Variants in COL1A1 observed in about 807,000 individuals in gnomAD.
The protein encoded by COL1A1 is collagen alpha-1(I) chain.
COL1A1 carries 21 observed loss-of-function variants against 195.7 expected under a neutral mutation model. The ratio of observed to expected loss-of-function variants is 0.11; its 90% CI spans 0.08 to 0.15. The LOEUF is 0.15. Among genes scored for constraint, COL1A1 ranks in the 10% least tolerant of loss-of-function variants. The pLI, the probability that COL1A1 is intolerant of heterozygous loss-of-function variation, is 1.00. For missense variants in COL1A1, 1,365 were observed against 2,051.0 expected, an observed-to-expected ratio of 0.67 and a Z score of 6.46; for synonymous variants, 749 against 747.3, an observed-to-expected ratio of 1.00 and a Z score of -0.04.
At chr17:50,187,574 G>T in intron 45 of COL1A1, 37 bp from the exon 46 acceptor site, 2 of 1,610,682 alleles carry the variant, frequency 1.2e-6, no homozygotes, top group South Asian at 2.2e-5. Flanking sequence ...CAGGCCCAGT[G>T]AGCGTCAAAT....
At position 50,194,035 on chromosome 17, in the gene COL1A1, C is replaced by T. The variant is rs558173513; in HGVS notation, c.1675G>A (p.Ala559Thr). The change falls in exon 25 of 51, where the codon GCC (alanine) becomes ACC (threonine). Residue 559 changes from alanine (A) to threonine (T), a missense_variant. This residue lies in a region of COL1A1 where 671 missense variants were observed against 1,099.9 expected (regional missense o/e 0.61). Transcript: ENST00000225964. This position sits in a 1 kb window ranked among gnomAD's most constrained non-coding sequence, Gnocchi z 6.8. ...PDGKTGPPGPAGQDGRPGPPG... is the reference protein window; with the variant it reads ...PDGKTGPPGPTGQDGRPGPPG... ...GGTCCGGGGCGACCATCTTGACCGG[C>T]GGGACCCTAAGGATGGGAGGCACGA... The T allele has an allele frequency of 4.2e-5, 68 of 1,613,478 alleles. 1 individual carries two copies. The highest frequency in any genetic ancestry group is 3.7e-4 in the South Asian group (34 of 91,010).
Position 50,185,460 on chromosome 17 carries a change from A to G in COL1A1, c.*42T>C, listed in dbSNP as rs1598283409. 4 of 1,611,070 alleles carry G rather than the reference A, an allele frequency of 2.5e-6. No homozygotes were observed. The highest frequency in any genetic ancestry group is 3.4e-6 in the Non-Finnish European group (4 of 1,178,720). ...TTGTCTGTTTCCGGGTTGGGGGGAA[A>G]GTTGGTTGGGTGGGAGGGAGCCAGG... On this transcript the variant is annotated 3_prime_UTR_variant, in exon 51 of 51. Coordinates refer to ENST00000225964, the MANE Select transcript of COL1A1 (RefSeq NM_000088.4).
intron 1 of COL1A1, 156 bp from the exon 2 acceptor site, chr17:50,200,103 A>T: frequency 1.2e-6 from 1 of 819,388 alleles, no homozygotes; most frequent in South Asian, 1.5e-5. Context: ...CCTGCTCCTC[A>T]TCAGCGCGGG....
Position 50,186,102 on chromosome 17 carries a change from C to G in COL1A1, c.4006-82G>C. On this transcript the variant is annotated intron_variant, in intron 49 of 50. Coordinates refer to ENST00000225964, the MANE Select transcript of COL1A1 (RefSeq NM_000088.4). The surrounding 1 kb of genome is among the most constrained non-coding windows in gnomAD (Gnocchi z 5.3). ...GCCTGGCCTCCCTGTCCAGGGTCCTCAGAGAGCTGCCCAATGCACCGTTAT... is the reference window on the plus strand; with the variant it reads ...GCCTGGCCTCCCTGTCCAGGGTCCTGAGAGAGCTGCCCAATGCACCGTTAT... 1 of 1,589,058 alleles carries G rather than the reference C, an allele frequency of 6.3e-7. No individual in the cohort carries two copies. Among genetic ancestry groups the G allele is most frequent in the Non-Finnish European group, 8.5e-7 (1 of 1,172,476 alleles).
intron 1 of COL1A1, among the ~76,000 whole-genome samples, chr17:50,200,503 C>T (rs940941715): frequency 1.2e-4 from 18 of 152,196 alleles, no homozygotes; most frequent in Admixed American, 1.1e-3. Context: ...GACACCCTAA[C>T]CTCCAGCACC....
rs151171179 is a variant in COL1A1 at position 50,201,437 on chromosome 17, C to T, written c.77G>A (p.Gly26Asp). ...TALLTHGQEEGQVEGQDEDIP... is the reference protein window; with the variant it reads ...TALLTHGQEEDQVEGQDEDIP... ...GTCTTCGTCTTGGCCCTCGACTTGG[C>T]CTTCCTCTTGGCCGTGCGTCAGGAG... is the stretch of plus-strand genomic sequence containing the variant. The change falls in exon 1 of 51, where the codon GGC becomes GAC. Residue 26 changes from glycine to aspartate, a missense_variant. Coordinates refer to ENST00000225964, the MANE Select transcript of COL1A1 (RefSeq NM_000088.4). 279 of 1,613,664 alleles carry T rather than the reference C, an allele frequency of 1.7e-4. No individual in the cohort carries two copies. In the Middle Eastern group the frequency reaches 3.4e-3, roughly 19 times the overall value.
At chr17:50,193,772 T>C (rs1168902132) in intron 25 of COL1A1, 171 bp downstream of exon 25, 3 of 696,064 alleles carry the variant, frequency 4.3e-6, no homozygotes, top group African/African-American at 1.8e-5. Context: ...TGAGCCACCG[T>C]GCCCCGCCGA....
intron 26 of COL1A1, 62 bp from the exon 27 acceptor site, chr17:50,192,912 G>A (rs1907222980): frequency 6.2e-7 from 1 of 1,612,638 alleles, no homozygotes; most frequent in African/African-American, 1.3e-5. Flanking sequence ...GAGGACCGTG[G>A]CCTCTAGCAC....
chr17:50,200,033 TG>T (rs1169005519), intron 1 of COL1A1, 86 bp from the exon 2 acceptor site: 1 of 1,414,304 alleles, frequency 7.1e-7, no homozygotes, highest in Non-Finnish European at 1.0e-6. Flanking sequence ...GAGGCACACT[TG>T]GATTTTTCAC....
At chr17:50,200,337 CAGG>C (rs1490002307) in intron 1 of COL1A1, 1 of 357,316 alleles carries the variant, frequency 2.8e-6, no homozygotes, top group South Asian at 2.3e-5. Context: ...GTGGTAGAGA[CAGG>C]AGGAGGGCGA....
chr17:50,197,046 G>A lies in COL1A1; in HGVS notation c.768C>T (p.Pro256=), dbSNP rs199891984. The change falls in exon 11 of 51, where the codon CCC becomes CCT. Residue 256 remains proline (P), a synonymous_variant. Transcript: ENST00000225964. The part of the protein sequence containing the change: ...PPGPQGARGL[P]GTAGLPGMKG... ...TCATTCCAGGGAGGCCAGCTGTTCC[G>A]GGCAATCCTCGAGCACCCTGGAGAG... 3.7e-5 allele frequency: 60 copies of A among 1,614,068 alleles called. No homozygotes were observed. Among genetic ancestry groups the A allele is most frequent in the Middle Eastern group, 1.6e-4 (1 of 6,062 alleles).
Position 50,185,416 on chromosome 17 carries a change from G to A in COL1A1, c.*86C>T, listed in dbSNP as rs920080624. The A allele has an allele frequency of 2.6e-6, 4 of 1,527,446 alleles. No homozygotes were observed. The East Asian group carries it at 9.0e-5, about 34-fold the overall frequency. The allele number at this position is 1,527,446 out of a possible 1,614,324, so 94.6% of individuals were successfully genotyped here. A position where few individuals can be genotyped will look rare whatever the true frequency, so the allele number is the denominator to read the frequency against. ...TGTCTCCCATTTTTTGGCTTTTGAG[G>A]GGGTTCAGTTTGGGTTGCTTGTCTG... On this transcript the variant is annotated 3_prime_UTR_variant, in exon 51 of 51. Coordinates refer to ENST00000225964, the MANE Select transcript of COL1A1 (RefSeq NM_000088.4).
In COL1A1 at chr17:50,185,559, G is replaced by A. The variant is rs760246047; in HGVS notation, c.4338C>T (p.Asp1446=). 6.8e-6 allele frequency: 11 copies of A among 1,613,682 alleles called. No individual in the cohort carries two copies. The highest frequency in any genetic ancestry group is 4.5e-5 in the East Asian group (2 of 44,866). The part of the protein sequence containing the change: ...RLPIIDVAPL[D]VGAPDQEFGF... ...CGAATTCCTGGTCTGGGGCACCAAC[G>A]TCCAAGGGGGCCACATCGATGATGG... The change falls in exon 51 of 51, where the codon GAC becomes GAT. Residue 1446 remains aspartate, a synonymous_variant. Transcript: ENST00000225964.
Position 50,195,328 on chromosome 17 carries a change from A to G in COL1A1, c.1203T>C (p.Gly401=). 6.2e-6 allele frequency: 10 copies of G among 1,613,894 alleles called. No homozygotes were observed. The highest frequency in any genetic ancestry group is 6.8e-6 in the Non-Finnish European group (8 of 1,179,944). ...CAGGAGCACCAGCAATACCAGGAGC[A>G]CCCTGTGGGAGGCAGACAGCCAGGG... The part of the protein sequence containing the change: ...DGQPGAKGAN[G]APGIAGAPGF... The change falls in exon 19 of 51, where the codon GGT becomes GGC. Residue 401 remains glycine, a splice_region_variant and synonymous_variant. Coordinates refer to ENST00000225964, the MANE Select transcript of COL1A1 (RefSeq NM_000088.4). The surrounding 1 kb of genome is among the most constrained non-coding windows in gnomAD (Gnocchi z 4.3).
chr17:50,191,884 G>T lies in COL1A1; in HGVS notation c.2031C>A (p.Gly677=), dbSNP rs542133917. 9 of 1,601,882 alleles carry T rather than the reference G, an allele frequency of 5.6e-6. No individual in the cohort carries two copies. The highest frequency in any genetic ancestry group is 7.7e-6 in the Non-Finnish European group (9 of 1,173,878). ...LGAPGPSGAR[G]ERGFPGERGV... The stretch of plus-strand genomic sequence containing the variant: ...CACGCTCGCCAGGGAAACCTCTCTC[G>T]CCCTAGAAGGGAAGGACAGGGCATG... The change falls in exon 31 of 51, where the codon GGC becomes GGA. Residue 677 remains glycine (G), a splice_region_variant and synonymous_variant. Transcript: ENST00000225964.
chr17:50,198,340 G>C, intron 6 of COL1A1, 93 bp downstream of exon 6: 1 of 1,547,524 alleles, frequency 6.5e-7, no homozygotes, highest in Middle Eastern at 1.9e-4. Context: ...AGGTGATCTG[G>C]ACCTCCCAAG....
Position 50,195,725 on chromosome 17 carries a change from G to A in COL1A1, c.1057-60C>T. 6.5e-7 allele frequency: 1 copy of A among 1,537,060 alleles called. No homozygotes were observed. The highest frequency in any genetic ancestry group is 1.1e-5 in the South Asian group (1 of 88,036). On this transcript the variant is annotated intron_variant, in intron 16 of 50. Coordinates refer to ENST00000225964, the MANE Select transcript of COL1A1 (RefSeq NM_000088.4). The surrounding 1 kb of genome is among the most constrained non-coding windows in gnomAD (Gnocchi z 4.3). Reference sequence around the variant, plus strand: ...CTGGGAAACCCAACCTTGCCTCTCGGGATGGCAGGAGGAAGGGGAGACAGG... The same window carrying A: ...CTGGGAAACCCAACCTTGCCTCTCGAGATGGCAGGAGGAAGGGGAGACAGG...
Position 50,194,216 on chromosome 17 carries a change from G to C in COL1A1, c.1615-33C>G, listed in dbSNP as rs754152594. The C allele has an allele frequency of 2.2e-5, 36 of 1,610,766 alleles. No individual in the cohort carries two copies. Among genetic ancestry groups the C allele is most frequent in the Non-Finnish European group, 2.9e-5 (34 of 1,177,994 alleles). On this transcript the variant is annotated intron_variant, in intron 23 of 50. Transcript: ENST00000225964. This position sits in a 1 kb window ranked among gnomAD's most constrained non-coding sequence, Gnocchi z 6.8. ...GGCAGAGAGGTATGAGTGGGACTTG[G>C]GGAGAAGCATGATGGAGGTGGGGGA...
At position 50,185,352 on chromosome 17, in the gene COL1A1, T is replaced by C. The variant is rs540794703; in HGVS notation, c.*150A>G. ...ATAAAAACTAAGTTTGAGAGATGAA[T>C]GCAAAGGAAAAAAATATTTTCCAAA... On this transcript the variant is annotated 3_prime_UTR_variant, in exon 51 of 51. Transcript: ENST00000225964. 26 of 889,070 alleles carry C rather than the reference T, an allele frequency of 2.9e-5. No homozygotes were observed. Among genetic ancestry groups the C allele is most frequent in the Middle Eastern group, 3.5e-4 (1 of 2,844 alleles). The allele number at this position is 889,070 out of a possible 1,614,324, so 55.1% of individuals were successfully genotyped here.
Sources: allele counts gnomAD v4.1 joint callset (sites outside exome capture counted in the v4.1 genomes callset), GRCh38; gene constraint gnomAD v4.1.1; regional missense constraint gnomAD v4.1.1; non-coding constraint Gnocchi (gnomAD v3.1); transcripts MANE v1.5; gene names NCBI Gene and HGNC (gene_info 2026-07-23, HGNC 2026-07-21).